The following MYH11 variants were observed in gnomAD, a reference collection of about 807,000 sequenced individuals.
MYH11 encodes the protein myosin-11.
Under a neutral mutation model 246.6 loss-of-function variants are expected in MYH11, and 80 were observed. The ratio of observed to expected loss-of-function variants is 0.32; its 90% confidence interval spans 0.27 to 0.39. MYH11 has a LOEUF of 0.39. Among genes scored for constraint, MYH11 ranks in the 10% least tolerant of loss-of-function variants. MYH11 has a pLI of 1.00. For missense variants in MYH11, 2,158 were observed against 2,546.8 expected (o/e 0.85, Z 3.29); for synonymous variants, 1,071 against 1,015.5 (o/e 1.05, Z -1.04).
At chr16:15,736,404 G>T (rs565984921) in intron 25 of MYH11, among the ~76,000 whole-genome samples, 3 of 152,190 alleles carry the variant, frequency 2.0e-5, no homozygotes, top group Admixed American at 6.5e-5. Context: ...TCAGCCTCCT[G>T]AGTAGCTGGG....
chr16:15,730,885 C>T lies in MYH11; in HGVS notation c.3651+1679G>A, dbSNP rs111990255. Among the ~76,000 whole-genome samples the T allele has an allele frequency of 6.1e-3, 928 of 152,310 alleles. 10 individuals carry two copies. Among genetic ancestry groups the T allele is most frequent in the African/African-American group, 0.021 (868 of 41,554 alleles). On this transcript the variant is annotated intron_variant, in intron 27 of 40. Coordinates refer to ENST00000300036, the MANE Select transcript of MYH11 (RefSeq NM_002474.3). ...TTTACCAGCTCCCACTCCCATACAC[C>T]GCAAAGAGTTCCAACAACGGGAGAG... is the stretch of plus-strand genomic sequence containing the variant.
At chr16:15,705,904 G>A (rs532586070) in intron 40 of MYH11, among the ~76,000 whole-genome samples, 1 of 149,562 alleles carries the variant, frequency 6.7e-6, no homozygotes, top group East Asian at 2.0e-4. Context: ...AGAATGACAT[G>A]AACCCAGGAG....
At chr16:15,774,627 T>C (rs1266264876) in intron 8 of MYH11, among the ~76,000 whole-genome samples, 1 of 152,344 alleles carries the variant, frequency 6.6e-6, no homozygotes, top group East Asian at 1.9e-4. Flanking sequence ...TCTCACTCTA[T>C]CGCCTAGGCT....
chr16:15,759,519 A>G (rs2041816985), intron 12 of MYH11, 57 bp downstream of exon 12: 2 of 1,612,318 alleles, frequency 1.2e-6, no homozygotes, highest in South Asian at 2.2e-5. Flanking sequence ...CTCCTCCAAG[A>G]AAAAGCCCAT....
chr16:15,741,111 C>G, intron 22 of MYH11: 2 of 408,738 alleles, frequency 4.9e-6, no homozygotes, highest in Non-Finnish European at 9.3e-6. Flanking sequence ...AACCACTCAC[C>G]TAAGCCACTC....
chr16:15,808,388 C>A (rs1280146455), intron 3 of MYH11, among the ~76,000 whole-genome samples: 1 of 152,150 alleles, frequency 6.6e-6, no homozygotes, highest in African/African-American at 2.4e-5. Flanking sequence ...AAGTAATAGC[C>A]GGGGCAGAGC....
intron 6 of MYH11, among the ~76,000 whole-genome samples, chr16:15,780,304 G>C (rs1480903749): frequency 1.3e-5 from 2 of 151,832 alleles, no homozygotes; most frequent in Admixed American, 6.6e-5. Context: ...TGAACAGTGG[G>C]GCCAAGGATA....
chr16:15,836,870 G>A (rs1363494948), intron 2 of MYH11, among the ~76,000 whole-genome samples: 1 of 151,724 alleles, frequency 6.6e-6, no homozygotes, highest in Non-Finnish European at 1.5e-5. Flanking sequence ...GATTACAGAT[G>A]TGCACTACCA....
intron 7 of MYH11, among the ~76,000 whole-genome samples, chr16:15,776,642 A>T (rs2042227473): frequency 6.6e-6 from 1 of 152,210 alleles, no homozygotes; most frequent in African/African-American, 2.4e-5. Context: ...TGTTTTCAAT[A>T]AGGGGAAACT....
At position 15,748,127 on chromosome 16, in the gene MYH11, C is replaced by T. The variant is rs1259808511; in HGVS notation, c.2100G>A (p.Arg700=). ...GAATGCCTTCCAGCACCCCATTGCA[C>T]CGCAGCTGCTCCAGCACCAGGAACG... ...LDAFLVLEQL[R]CNGVLEGIRI... Residue 700 remains arginine (R), a synonymous_variant, in exon 17 of 41, where the codon CGG becomes CGA. Coordinates refer to ENST00000300036, the MANE Select transcript of MYH11 (RefSeq NM_002474.3). The T allele has an allele frequency of 3.1e-6, 5 of 1,613,970 alleles. No homozygotes were observed. In the African/African-American group the frequency reaches 6.7e-5, roughly 22 times the overall value.
At chr16:15,811,537 T>C (rs2043137335) in intron 3 of MYH11, among the ~76,000 whole-genome samples, 1 of 151,970 alleles carries the variant, frequency 6.6e-6, no homozygotes, top group Non-Finnish European at 1.5e-5. Context: ...CCGAGCAATG[T>C]GGGATTGATG....
At chr16:15,740,334 G>C in intron 22 of MYH11, 146 bp from the exon 23 acceptor site, 1 of 1,282,068 alleles carries the variant, frequency 7.8e-7, no homozygotes, top group Non-Finnish European at 1.1e-6. Flanking sequence ...AGGCCTGAGC[G>C]TGGTGGCTCA....
chr16:15,855,860 C>T (rs1442149725), intron 1 of MYH11, among the ~76,000 whole-genome samples: 2 of 152,190 alleles, frequency 1.3e-5, no homozygotes, highest in African/African-American at 2.4e-5. Flanking sequence ...TGCCAAACCC[C>T]GGACGGACAG....
chr16:15,773,143 T>G (rs2042143511), intron 8 of MYH11, among the ~76,000 whole-genome samples: 1 of 151,770 alleles, frequency 6.6e-6, no homozygotes, highest in Non-Finnish European at 1.5e-5. Flanking sequence ...TAACAGGTGC[T>G]TTTGGCCTAT....
rs11644832 is a variant in MYH11 at position 15,778,891 on chromosome 16, G to A, written c.727-48C>T. 3.2e-5 allele frequency: 51 copies of A among 1,583,268 alleles called. 1 individual carries two copies. In the Middle Eastern group the frequency reaches 5.0e-4, roughly 15 times the overall value. On this transcript the variant is annotated intron_variant, in intron 6 of 40. Transcript: ENST00000300036. ...CAGGCTTTGCTGCCCAACTTCAGCC[G>A]TTAACCCCATGCTGTGGGCAAGCAG...
At chr16:15,752,272 G>C (rs563098319) in intron 15 of MYH11, among the ~76,000 whole-genome samples, 1 of 152,168 alleles carries the variant, frequency 6.6e-6, no homozygotes, top group Non-Finnish European at 1.5e-5. Flanking sequence ...CCCTCCTGGA[G>C]CCCTTTTTTT....
chr16:15,745,928 AT>A (rs2041407564), intron 19 of MYH11, among the ~76,000 whole-genome samples: 2 of 139,260 alleles, frequency 1.4e-5, no homozygotes, highest in Non-Finnish European at 3.1e-5. Context: ...TTATTTGTTT[AT>A]TTTCAGAGAC....
At chr16:15,803,214 C>G (rs1330142242) in intron 3 of MYH11, among the ~76,000 whole-genome samples, 3 of 151,994 alleles carry the variant, frequency 2.0e-5, no homozygotes, top group Non-Finnish European at 4.4e-5. Context: ...GATACCCGTG[C>G]CTTTAGCTTC....
chr16:15,750,467 C>A lies in MYH11; in HGVS notation c.1865-136G>T. On this transcript the variant is annotated intron_variant, in intron 15 of 40. Coordinates refer to ENST00000300036, the MANE Select transcript of MYH11 (RefSeq NM_002474.3). This position sits in a 1 kb window ranked among gnomAD's most constrained non-coding sequence, Gnocchi z 4.3. Reference sequence around the variant, plus strand: ...CATCACCAACGCCTCCTTCGGCAGTCAGGGTTTCCAAGTATTGTCTATTGG... The same window carrying A: ...CATCACCAACGCCTCCTTCGGCAGTAAGGGTTTCCAAGTATTGTCTATTGG... 1 of 859,138 alleles carries A rather than the reference C, an allele frequency of 1.2e-6. No individual in the cohort carries two copies. Among genetic ancestry groups the A allele is most frequent in the South Asian group, 1.5e-5 (1 of 64,878 alleles). 53.2% of individuals were successfully genotyped at this position (859,138 alleles called of 1,614,324 possible).
Sources: allele counts gnomAD v4.1 joint callset (sites outside exome capture counted in the v4.1 genomes callset), GRCh38; gene constraint gnomAD v4.1.1; non-coding constraint Gnocchi (gnomAD v3.1); transcripts MANE v1.5; gene names NCBI Gene and HGNC (gene_info 2026-07-23, HGNC 2026-07-21).